The following MALRD1 variants were observed in gnomAD, a reference collection of about 807,000 sequenced individuals.
The protein encoded by MALRD1 is MAM and LDL-receptor class A domain-containing protein 1.
A neutral mutation model predicts 242.1 loss-of-function variants in MALRD1; 247 were observed. That is an observed-to-expected ratio of 1.02 (90% confidence interval 0.92 to 1.13). MALRD1 has a LOEUF of 1.13. MALRD1 is among the 50% of genes most tolerant of loss of function. The pLI is 0.00. For synonymous variants in MALRD1, 995 were observed against 866.6 expected (o/e 1.15, Z -2.60); for missense variants, 2,989 against 2,533.1 (o/e 1.18, Z -3.86).
chr10:19,655,500 A>G (rs1841101452), intron 36 of MALRD1, among the ~76,000 whole-genome samples: 1 of 145,342 alleles, frequency 6.9e-6, no homozygotes, highest in Admixed American at 7.0e-5. Flanking sequence ...GTACATATAT[A>G]TGTGTGTGTG....
chr10:19,651,814 GCT>G (rs1321514429), intron 36 of MALRD1, among the ~76,000 whole-genome samples: 2 of 152,228 alleles, frequency 1.3e-5, no homozygotes, highest in Non-Finnish European at 2.9e-5. Flanking sequence ...TGATGTCAGG[GCT>G]CTTAGTTACA....
intron 19 of MALRD1, among the ~76,000 whole-genome samples, chr10:19,270,096 C>T (rs1840142369): frequency 1.3e-5 from 2 of 152,250 alleles, no homozygotes; most frequent in Admixed American, 1.3e-4. Flanking sequence ...GAGTGGATCA[C>T]CTGAGGTCAG....
At chr10:19,158,655 A>G (rs1421396303) in intron 12 of MALRD1, among the ~76,000 whole-genome samples, 2 of 152,244 alleles carry the variant, frequency 1.3e-5, no homozygotes, top group African/African-American at 4.8e-5. Flanking sequence ...TTGCTTATCT[A>G]CTGTGTGTTG....
At chr10:19,377,801 A>C (rs1156641067) in intron 26 of MALRD1, among the ~76,000 whole-genome samples, 1 of 152,128 alleles carries the variant, frequency 6.6e-6, no homozygotes, top group Non-Finnish European at 1.5e-5. Context: ...CATTGCCAGT[A>C]TTCTATAAGC....
chr10:19,489,464 A>T, intron 29 of MALRD1: 1 of 580,366 alleles, frequency 1.7e-6, no homozygotes, highest in Non-Finnish European at 3.2e-6. Context: ...CCAGGGGAAT[A>T]TTTTTATCAA....
rs1469859772 is a variant in MALRD1 at position 19,389,581 on chromosome 10, C to G, written c.4817C>G (p.Ala1606Gly). The G allele has an allele frequency of 6.4e-7, 1 of 1,550,444 alleles. No homozygotes were observed. Among genetic ancestry groups the G allele is most frequent in the East Asian group, 2.4e-5 (1 of 40,890 alleles). Residue 1606 changes from alanine (A) to glycine (G), a missense_variant, in exon 28 of 40, where the codon GCC becomes GGC. Physicochemically the swap from Ala to Gly is moderately conservative, Grantham distance 60 (BLOSUM62 0). Transcript: ENST00000454679. ...MSFWYFVSAKATGSIQILIKT... is the reference protein window; with the variant it reads ...MSFWYFVSAKGTGSIQILIKT... Reference sequence around the variant, plus strand: ...TTCTGGTATTTCGTATCTGCAAAGGCCACAGGATCCATTCAGATTCTCATC... The same window carrying G: ...TTCTGGTATTTCGTATCTGCAAAGGGCACAGGATCCATTCAGATTCTCATC...
intron 28 of MALRD1, among the ~76,000 whole-genome samples, chr10:19,398,477 A>C (rs956945789): frequency 5.9e-5 from 9 of 152,160 alleles, no homozygotes; most frequent in African/African-American, 2.2e-4. Flanking sequence ...TACTTTTGAG[A>C]CAGCCAAAGT....
intron 29 of MALRD1, among the ~76,000 whole-genome samples, chr10:19,467,012 G>A (rs1836246454): frequency 6.6e-6 from 1 of 152,062 alleles, no homozygotes; most frequent in Non-Finnish European, 1.5e-5. Flanking sequence ...TCTAAGGACA[G>A]AAGTCGCATT....
chr10:19,363,180 A>G (rs911601405), intron 26 of MALRD1, among the ~76,000 whole-genome samples: 4 of 152,172 alleles, frequency 2.6e-5, no homozygotes, highest in East Asian at 1.9e-4. Context: ...TTAAAGTCAT[A>G]TGCATATAAA....
intron 38 of MALRD1, among the ~76,000 whole-genome samples, chr10:19,723,490 T>C (rs189022144): frequency 3.3e-5 from 5 of 152,200 alleles, no homozygotes; most frequent in Admixed American, 2.6e-4. Context: ...TCCCAGTGCT[T>C]TAGGAGACCA....
chr10:19,662,268 A>T (rs1197300355), intron 36 of MALRD1, among the ~76,000 whole-genome samples: 1 of 152,186 alleles, frequency 6.6e-6, no homozygotes, highest in Non-Finnish European at 1.5e-5. Flanking sequence ...AAATGCATAC[A>T]GCAAAATCAA....
intron 24 of MALRD1, among the ~76,000 whole-genome samples, chr10:19,338,540 T>C (rs773387000): frequency 6.8e-6 from 1 of 147,170 alleles, no homozygotes. Flanking sequence ...CCATAAAAAA[T>C]ATCACCTCCC....
chr10:19,144,958 G>T (rs746113000), intron 10 of MALRD1, among the ~76,000 whole-genome samples: 1 of 152,146 alleles, frequency 6.6e-6, no homozygotes, highest in Non-Finnish European at 1.5e-5. Context: ...AACTATGGGT[G>T]TTTTCTGACA....
At chr10:19,382,656 C>T (rs1489172296) in intron 26 of MALRD1, among the ~76,000 whole-genome samples, 1 of 152,022 alleles carries the variant, frequency 6.6e-6, no homozygotes, top group East Asian at 1.9e-4. Context: ...GGGCTTTCTT[C>T]TTTATGTACT....
At chr10:19,595,599 C>T (rs1327106663) in intron 34 of MALRD1, 142 bp downstream of exon 34, 10 of 1,025,664 alleles carry the variant, frequency 9.7e-6, no homozygotes, top group Non-Finnish European at 1.4e-5. Context: ...TGTTATGTTG[C>T]AAAACAAGGC....
chr10:19,228,104 T>A (rs186457092), intron 18 of MALRD1, among the ~76,000 whole-genome samples: 17 of 151,812 alleles, frequency 1.1e-4, no homozygotes, highest in African/African-American at 4.1e-4. Context: ...CCACTGCGAC[T>A]CAGAATAATT....
At chr10:19,717,485 T>C (rs997816162) in intron 38 of MALRD1, among the ~76,000 whole-genome samples, 1 of 152,204 alleles carries the variant, frequency 6.6e-6, no homozygotes, top group Non-Finnish European at 1.5e-5. Flanking sequence ...TTCCCCTCCA[T>C]AACATCTGGG....
intron 29 of MALRD1, among the ~76,000 whole-genome samples, chr10:19,461,626 G>T (rs1006234975): frequency 1.4e-4 from 22 of 152,082 alleles, no homozygotes; most frequent in African/African-American, 5.3e-4. Flanking sequence ...GAGGCAGGAA[G>T]ATCACTTGAG....
At chr10:19,080,337 T>C (rs1177827831) in intron 2 of MALRD1, among the ~76,000 whole-genome samples, 1 of 151,938 alleles carries the variant, frequency 6.6e-6, no homozygotes, top group Non-Finnish European at 1.5e-5. Context: ...AGAACAAAAC[T>C]GGAGGCATCA....
Sources: allele counts gnomAD v4.1 joint callset (sites outside exome capture counted in the v4.1 genomes callset), GRCh38; gene constraint gnomAD v4.1.1; transcripts MANE v1.5; gene names NCBI Gene and HGNC (gene_info 2026-07-23, HGNC 2026-07-21).